The following EPHA5 variants were observed in gnomAD, a reference collection of about 807,000 sequenced individuals.
EPHA5 encodes the protein ephrin type-A receptor 5.
Under a neutral mutation model 105.0 loss-of-function variants are expected in EPHA5, and 60 were observed. That is an observed-to-expected ratio of 0.57 (90% CI 0.46 to 0.71). The LOEUF is 0.71. Among genes scored for constraint, EPHA5 ranks in the 30% least tolerant of loss-of-function variants. The pLI is 0.00. For missense variants in EPHA5, 1,218 were observed against 1,274.7 expected (o/e 0.96, Z 0.68); for synonymous variants, 513 against 449.1 (o/e 1.14, Z -1.80).
At chr4:65,465,458 A>C (rs1304622023) in intron 5 of EPHA5, among the ~76,000 whole-genome samples, 7 of 23,428 alleles carry the variant, frequency 3.0e-4, no homozygotes, top group African/African-American at 7.8e-4. Flanking sequence ...GAAAGAAAGA[A>C]AAGAAAGAAA....
chr4:65,349,623 A>G (rs1272558235), intron 13 of EPHA5, among the ~76,000 whole-genome samples: 4 of 152,144 alleles, frequency 2.6e-5, no homozygotes, highest in African/African-American at 9.6e-5. Flanking sequence ...CAAAGTTTCA[A>G]TATATATAAG....
In EPHA5 at chr4:65,519,790, G is replaced by A. The variant is rs571650605; in HGVS notation, c.911-24247C>T. On this transcript the variant is annotated intron_variant, in intron 3 of 16. Coordinates refer to ENST00000613740, the MANE Select transcript of EPHA5 (RefSeq NM_001281766.3). Reference sequence around the variant, plus strand: ...TGTCCATTCACCATTGCTTCAAAGAGAATAAAATCCCTAGGAATCCAACTT... The same window carrying A: ...TGTCCATTCACCATTGCTTCAAAGAAAATAAAATCCCTAGGAATCCAACTT... Among the ~76,000 whole-genome samples the A allele has an allele frequency of 3.9e-5, 6 of 152,110 alleles. No individual in the cohort carries two copies. In the South Asian group the frequency reaches 1.2e-3, roughly 32 times the overall value.
chr4:65,653,502 G>A (rs1363224458), intron 1 of EPHA5, among the ~76,000 whole-genome samples: 2 of 152,034 alleles, frequency 1.3e-5, no homozygotes, highest in Admixed American at 1.3e-4. Context: ...AAACATTTTA[G>A]TACTCAGAAC....
intron 3 of EPHA5, among the ~76,000 whole-genome samples, chr4:65,500,295 T>C (rs1732349906): frequency 6.6e-6 from 1 of 151,262 alleles, no homozygotes; most frequent in South Asian, 2.1e-4. Flanking sequence ...AATGCACCCA[T>C]ATTGACATGT....
chr4:65,599,064 A>G (rs1743454821), intron 3 of EPHA5, among the ~76,000 whole-genome samples: 1 of 152,092 alleles, frequency 6.6e-6, no homozygotes, highest in African/African-American at 2.4e-5. Context: ...CTATATATAA[A>G]GTCATTCATT....
At chr4:65,632,282 C>T (rs1465346120) in intron 2 of EPHA5, among the ~76,000 whole-genome samples, 2 of 151,934 alleles carry the variant, frequency 1.3e-5, no homozygotes, top group Admixed American at 1.3e-4. Flanking sequence ...GGAGGAGTAG[C>T]CCCATTGTTG....
At chr4:65,451,585 G>A (rs769364203) in intron 5 of EPHA5, among the ~76,000 whole-genome samples, 56 of 152,110 alleles carry the variant, frequency 3.7e-4, no homozygotes, top group Non-Finnish European at 7.1e-4. Context: ...ATATGTCCTT[G>A]AGCAGGGTAA....
At chr4:65,331,384 A>C in intron 16 of EPHA5, 1 of 1,043,128 alleles carries the variant, frequency 9.6e-7, no homozygotes, top group Non-Finnish European at 1.2e-6. Flanking sequence ...TTAAACGTGC[A>C]AACAGAAAAG....
intron 5 of EPHA5, among the ~76,000 whole-genome samples, chr4:65,476,986 C>T (rs187397744): frequency 5.3e-5 from 8 of 152,234 alleles, no homozygotes; most frequent in African/African-American, 1.4e-4. Flanking sequence ...CACTACCAGA[C>T]ATTGAAATTA....
chr4:65,581,745 T>G (rs557053733), intron 3 of EPHA5, among the ~76,000 whole-genome samples: 1 of 151,896 alleles, frequency 6.6e-6, no homozygotes, highest in Admixed American at 6.6e-5. Flanking sequence ...ACTAGTTAAC[T>G]TATTGGCATG....
chr4:65,399,951 C>A (rs941892369), intron 8 of EPHA5, among the ~76,000 whole-genome samples: 6 of 152,172 alleles, frequency 3.9e-5, no homozygotes, highest in Admixed American at 6.5e-5. Flanking sequence ...TTAAGCTTTT[C>A]ATCAGCCTCT....
At chr4:65,397,963 G>A (rs1185181966) in intron 8 of EPHA5, among the ~76,000 whole-genome samples, 3 of 152,200 alleles carry the variant, frequency 2.0e-5, no homozygotes, top group Admixed American at 2.0e-4. Flanking sequence ...TGTAGTGGAG[G>A]AGGCATGGCC....
intron 3 of EPHA5, among the ~76,000 whole-genome samples, chr4:65,529,445 G>T (rs1435530844): frequency 6.6e-6 from 1 of 151,836 alleles, no homozygotes; most frequent in Non-Finnish European, 1.5e-5. Context: ...ACACACAAAT[G>T]CATATTATAT....
chr4:65,476,745 T>C (rs938374880), intron 5 of EPHA5, among the ~76,000 whole-genome samples: 14 of 152,052 alleles, frequency 9.2e-5, no homozygotes, highest in African/African-American at 3.4e-4. Flanking sequence ...ATATAGTGTC[T>C]AAAGAAGAAA....
chr4:65,545,702 T>C (rs772271587), intron 3 of EPHA5, among the ~76,000 whole-genome samples: 2 of 151,960 alleles, frequency 1.3e-5, no homozygotes, highest in Non-Finnish European at 2.9e-5. Context: ...GGTGATATTC[T>C]AAGTGGTAAA....
chr4:65,546,179 T>A (rs1050220192), intron 3 of EPHA5, among the ~76,000 whole-genome samples: 1 of 151,968 alleles, frequency 6.6e-6, no homozygotes, highest in Non-Finnish European at 1.5e-5. Flanking sequence ...ATTTTCTGAG[T>A]TCATGGTAAG....
intron 2 of EPHA5, among the ~76,000 whole-genome samples, chr4:65,621,558 A>C (rs1269182633): frequency 1.3e-5 from 2 of 152,204 alleles, no homozygotes; most frequent in African/African-American, 4.8e-5. Flanking sequence ...ACTTTGTACA[A>C]AACTTGCTTA....
At chr4:65,637,739 G>A (rs773413206) in intron 2 of EPHA5, among the ~76,000 whole-genome samples, 9 of 151,592 alleles carry the variant, frequency 5.9e-5, no homozygotes, top group South Asian at 4.2e-4. Context: ...TACTTATTCC[G>A]TGTTTATCAG....
At chr4:65,438,361 T>C (rs1414957555) in intron 5 of EPHA5, among the ~76,000 whole-genome samples, 1 of 138,232 alleles carries the variant, frequency 7.2e-6, no homozygotes, top group African/African-American at 2.4e-5. Flanking sequence ...TATTTAACAT[T>C]TAATTGTTGG....
Sources: gnomAD v4.1 joint callset for allele counts (sites outside exome capture counted in the v4.1 genomes callset) on GRCh38, gnomAD v4.1.1 for gene constraint, MANE v1.5 for transcripts, NCBI Gene and HGNC (gene_info 2026-07-23, HGNC 2026-07-21) for gene names.